ADGRL2: variants seen among roughly 807,000 people sequenced by gnomAD.
ADGRL2 encodes the protein calcium-independent alpha-latrotoxin receptor 2.
A neutral mutation model predicts 157.4 loss-of-function variants in ADGRL2; 44 were observed. The observed-to-expected ratio is 0.28, with a 90% CI of 0.22 to 0.36. The LOEUF (loss-of-function observed/expected upper bound fraction) is 0.36, where lower values mean the gene tolerates loss of function less well. Ranked by LOEUF, ADGRL2 falls within the 10% of genes least tolerant of loss-of-function variation. The pLI is 1.00. For missense variants in ADGRL2, 1,510 were observed against 1,768.9 expected (o/e 0.85, Z 2.63); for synonymous variants, 585 against 624.7 (o/e 0.94, Z 0.95).
chr1:81,587,719 C>G (rs772211373), intron 3 of ADGRL2, among the ~76,000 whole-genome samples: 1 of 151,984 alleles, frequency 6.6e-6, no homozygotes, highest in Non-Finnish European at 1.5e-5. Context: ...AAATAGCTGG[C>G]ATCAGTATAG....
intron 2 of ADGRL2, among the ~76,000 whole-genome samples, chr1:81,547,973 A>G (rs900607178): frequency 1.3e-5 from 2 of 152,204 alleles, no homozygotes; most frequent in African/African-American, 4.8e-5. Flanking sequence ...TTCTTACAAC[A>G]ACCCTGTTAT....
chr1:81,320,580 T>A (rs186414215), intron 1 of ADGRL2, among the ~76,000 whole-genome samples: 52 of 152,290 alleles, frequency 3.4e-4, no homozygotes, highest in Non-Finnish European at 6.6e-4. Flanking sequence ...AAAACAACAT[T>A]CATTTCTTTG....
intron 2 of ADGRL2, among the ~76,000 whole-genome samples, chr1:81,489,584 G>A (rs1443959893): frequency 6.7e-6 from 1 of 149,236 alleles, no homozygotes; most frequent in Non-Finnish European, 1.5e-5. Flanking sequence ...TCACAAATAT[G>A]ATGAAAGACA....
chr1:81,958,615 A>G (rs72944982), intron 11 of ADGRL2, among the ~76,000 whole-genome samples: 7,448 of 152,276 alleles, frequency 0.049, 518 homozygotes, highest in African/African-American at 0.15. Context: ...AATTATATCT[A>G]ATTGTGACAT....
chr1:81,680,128 TCC>T (rs2083078496), intron 3 of ADGRL2, among the ~76,000 whole-genome samples: 1 of 152,202 alleles, frequency 6.6e-6, no homozygotes. Context: ...TCCCTTGGGC[TCC>T]TACAGTGAAT....
intron 1 of ADGRL2, among the ~76,000 whole-genome samples, chr1:81,336,034 G>A (rs192508915): frequency 5.3e-5 from 8 of 152,298 alleles, no homozygotes; most frequent in Non-Finnish European, 5.9e-5. Flanking sequence ...GCTGCTTTAA[G>A]TGTAGCTGTT....
At chr1:81,630,542 C>G (rs17456745) in intron 3 of ADGRL2, among the ~76,000 whole-genome samples, 3 of 151,800 alleles carry the variant, frequency 2.0e-5, no homozygotes, top group African/African-American at 7.3e-5. Flanking sequence ...GTGGTTATTT[C>G]CATCATAAAT....
At chr1:81,858,699 T>G (rs560792457) in intron 2 of ADGRL2, among the ~76,000 whole-genome samples, 1 of 152,112 alleles carries the variant, frequency 6.6e-6, no homozygotes, top group East Asian at 1.9e-4. Flanking sequence ...ACTGTGAAAA[T>G]TTAGCACACT....
intron 1 of ADGRL2, among the ~76,000 whole-genome samples, chr1:81,332,877 C>A (rs1489573874): frequency 6.6e-6 from 1 of 152,168 alleles, no homozygotes; most frequent in South Asian, 2.1e-4. Flanking sequence ...ATATGTTTTT[C>A]TTTACCTTTG....
intron 1 of ADGRL2, among the ~76,000 whole-genome samples, chr1:81,829,963 T>G (rs952215000): frequency 1.1e-4 from 16 of 152,310 alleles, no homozygotes; most frequent in South Asian, 4.1e-4. Context: ...GATGACTGAT[T>G]GATCTAGGTA....
rs141164723 is a variant in ADGRL2, at chr1:81,969,241, C to T, written c.2587C>T (p.Leu863Phe). 4.3e-6 allele frequency: 7 copies of T among 1,613,930 alleles called. No individual in the cohort carries two copies. The African/African-American group carries it at 8.0e-5, about 18-fold the overall frequency. Residue 863 changes from leucine (L) to phenylalanine (F), a missense_variant, in exon 15 of 24, where the codon CTT (leucine) becomes TTT (phenylalanine). This residue lies in a region of ADGRL2 where 497 missense variants were observed against 627.2 expected (regional missense o/e 0.79). Transcript: ENST00000686636. ...CACCTGGGTGGGAATTGTCATTTCC[C>T]TTGTTTGCCTGGCTATCTGCATCTT... ...VITWVGIVIS[L>F]VCLAICIFTF...
chr1:81,367,051 G>A (rs974757831), intron 1 of ADGRL2, among the ~76,000 whole-genome samples: 2 of 152,134 alleles, frequency 1.3e-5, no homozygotes, highest in African/African-American at 4.8e-5. Context: ...ACTGGTTACA[G>A]AACAGTTCCA....
chr1:81,878,511 A>G (rs1282413156), intron 2 of ADGRL2, among the ~76,000 whole-genome samples: 1 of 152,084 alleles, frequency 6.6e-6, no homozygotes, highest in Non-Finnish European at 1.5e-5. Context: ...TTCACCCTGG[A>G]TTTCTTTCAT....
At chr1:81,426,902 A>G in intron 1 of ADGRL2, 1 of 679,668 alleles carries the variant, frequency 1.5e-6, no homozygotes, top group Non-Finnish European at 2.7e-6. Context: ...AAAGTATGGC[A>G]AGACTGAAAC....
At chr1:81,748,597 G>A (rs2085387700) in intron 1 of ADGRL2, among the ~76,000 whole-genome samples, 1 of 151,704 alleles carries the variant, frequency 6.6e-6, no homozygotes, top group African/African-American at 2.4e-5. Flanking sequence ...ATATTTATCT[G>A]AAAAGTGGTT....
chr1:81,712,818 A>G (rs1264654886), intron 1 of ADGRL2, among the ~76,000 whole-genome samples: 1 of 134,124 alleles, frequency 7.5e-6, no homozygotes, highest in Non-Finnish European at 1.5e-5. Flanking sequence ...GCTGGAGTGC[A>G]GTGGCATGAT....
intron 1 of ADGRL2, among the ~76,000 whole-genome samples, chr1:81,336,561 G>A (rs1238733538): frequency 1.3e-5 from 2 of 152,092 alleles, no homozygotes; most frequent in Non-Finnish European, 2.9e-5. Flanking sequence ...AATGTGAAGT[G>A]CACTAGACCT....
At chr1:81,613,254 A>G (rs1208352368) in intron 3 of ADGRL2, among the ~76,000 whole-genome samples, 1 of 152,194 alleles carries the variant, frequency 6.6e-6, no homozygotes, top group East Asian at 1.9e-4. Flanking sequence ...CATAGCACAG[A>G]GTCTGGAACA....
intron 2 of ADGRL2, among the ~76,000 whole-genome samples, chr1:81,486,608 A>G (rs1402640745): frequency 6.6e-6 from 1 of 152,164 alleles, no homozygotes; most frequent in Non-Finnish European, 1.5e-5. Flanking sequence ...GTATTAAATT[A>G]TACATCATTA....
Sources: gnomAD v4.1 joint callset for allele counts (sites outside exome capture counted in the v4.1 genomes callset) on GRCh38, gnomAD v4.1.1 for gene constraint, gnomAD v4.1.1 regional missense constraint, MANE v1.5 for transcripts, NCBI Gene and HGNC (gene_info 2026-07-23, HGNC 2026-07-21) for gene names.